The following NUP210 variants were observed in gnomAD, a reference collection of about 807,000 sequenced individuals.
The protein encoded by NUP210 is nucleoporin 210.
In NUP210, 151 loss-of-function variants were observed where a neutral mutation model predicts 196.0. The observed-to-expected ratio is 0.77, with a 90% CI of 0.67 to 0.88. The LOEUF is 0.88. NUP210 is among the 40% of genes least tolerant of loss of function. The pLI, the probability that NUP210 is intolerant of heterozygous loss-of-function variation, is 0.00. For synonymous variants in NUP210, 1,070 were observed against 1,052.7 expected (o/e 1.02, Z -0.32); for missense variants, 2,314 against 2,493.7 (o/e 0.93, Z 1.53).
chr3:13,390,623 C>G (rs935250329), intron 4 of NUP210, among the ~76,000 whole-genome samples: 3 of 152,228 alleles, frequency 2.0e-5, no homozygotes, highest in Non-Finnish European at 4.4e-5. Flanking sequence ...TGAGTTCAGA[C>G]TCCAGCTCTG....
At chr3:13,317,803 T>C (rs923983712) in intron 39 of NUP210, 22 bp from the exon 40 acceptor site, 8 of 1,540,898 alleles carry the variant, frequency 5.2e-6, no homozygotes, top group African/African-American at 2.7e-5. Flanking sequence ...AGAGAGACGA[T>C]GTTAGCAGCA....
rs765728089 is a variant in NUP210 at position 13,351,933 on chromosome 3, G to C, written c.2781C>G (p.Thr927=). ...REGSGYFFLN[T]STADVVKVAY... is the part of the protein sequence containing the mutation. ...CCACCTTGACAACATCTGCGGTGCT[G>C]GTGTTGAGGAAGAAGTAACCTGAGC... Residue 927 remains threonine (T), a synonymous_variant, in exon 20 of 40, where the codon ACC becomes ACG. Coordinates refer to ENST00000254508, the MANE Select transcript of NUP210 (RefSeq NM_024923.4). 1.2e-6 allele frequency: 2 copies of C among 1,613,642 alleles called. No individual in the cohort carries two copies. The highest frequency in any genetic ancestry group is 1.7e-6 in the Non-Finnish European group (2 of 1,179,660).
chr3:13,364,846 A>G (rs1698478719), intron 14 of NUP210, among the ~76,000 whole-genome samples: 1 of 152,202 alleles, frequency 6.6e-6, no homozygotes, highest in African/African-American at 2.4e-5. Context: ...ATAAACAAAT[A>G]AAAGAAAAAG....
chr3:13,350,789 G>C lies in NUP210; in HGVS notation c.2835+1090C>G, dbSNP rs1298121879. Among the ~76,000 whole-genome samples the C allele has an allele frequency of 6.6e-6, 1 of 151,242 alleles. No homozygotes were observed. Among genetic ancestry groups the C allele is most frequent in the Non-Finnish European group, 1.5e-5 (1 of 67,812 alleles). The stretch of plus-strand genomic sequence containing the variant: ...GCTCACTGCAAGCTCCACCCGCTGG[G>C]TTCACGCCATCTCCTGCCTCAGCCT... On this transcript the variant is annotated intron_variant, in intron 20 of 39. Coordinates refer to ENST00000254508, the MANE Select transcript of NUP210 (RefSeq NM_024923.4). This position sits in a 1 kb window ranked among gnomAD's most constrained non-coding sequence, Gnocchi z 4.1.
intron 20 of NUP210, 36 bp from the exon 21 acceptor site, chr3:13,343,339 T>TGGGTGGGGGGGGGGGG: frequency 3.5e-6 from 1 of 282,520 alleles, no homozygotes; most frequent in East Asian, 8.4e-5. Flanking sequence ...GGGTGGGTGG[T>TGGGTGGGGGGGGGGGG]GGGTTACGCA....
intron 3 of NUP210, among the ~76,000 whole-genome samples, chr3:13,396,735 G>A (rs1480331261): frequency 8.2e-6 from 1 of 122,594 alleles, no homozygotes; most frequent in African/African-American, 3.2e-5. Flanking sequence ...ACTCCAGCCT[G>A]AGCAACAAGA....
intron 1 of NUP210, among the ~76,000 whole-genome samples, chr3:13,401,366 C>A (rs1699834560): frequency 6.6e-6 from 1 of 151,984 alleles, no homozygotes; most frequent in Non-Finnish European, 1.5e-5. Context: ...CAGCACAAGG[C>A]CCCTTCCAAC....
chr3:13,399,899 G>A, intron 1 of NUP210, 38 bp from the exon 2 acceptor site: 1 of 1,566,648 alleles, frequency 6.4e-7, no homozygotes, highest in Non-Finnish European at 8.7e-7. Context: ...CTCTGGAGCT[G>A]CACTGCAAGG....
chr3:13,368,984 A>G (rs1017821050), intron 13 of NUP210, among the ~76,000 whole-genome samples: 6 of 152,224 alleles, frequency 3.9e-5, no homozygotes, highest in African/African-American at 1.4e-4. Flanking sequence ...CGGTAACTCC[A>G]TGTTTACTTT....
intron 1 of NUP210, among the ~76,000 whole-genome samples, chr3:13,413,772 T>C (rs543148871): frequency 1.3e-5 from 2 of 152,188 alleles, no homozygotes; most frequent in African/African-American, 4.8e-5. Flanking sequence ...ATGGTGGAGG[T>C]GGCTGCACAA....
At chr3:13,413,917 C>G (rs951559621) in intron 1 of NUP210, among the ~76,000 whole-genome samples, 2 of 152,194 alleles carry the variant, frequency 1.3e-5, no homozygotes, top group African/African-American at 4.8e-5. Context: ...CAGAAGAAAA[C>G]TTTTATTTTG....
rs1373092454 is a variant in NUP210, at chr3:13,321,799, G to A, written c.4952C>T (p.Thr1651Met). ...GCTCAGGTGCTTCCGCTGCTTGTCC[G>A]TCAGCCTGTGCATTGTGATTGAGCA... ...YFCSITMHRL[T>M]DKQRKHLSMK... Residue 1651 changes from threonine to methionine, a missense_variant, in exon 36 of 40, where the codon ACG becomes ATG. Transcript: ENST00000254508. The A allele has an allele frequency of 3.7e-6, 6 of 1,609,582 alleles. No homozygotes were observed. The highest frequency in any genetic ancestry group is 1.1e-5 in the South Asian group (1 of 91,086).
Position 13,358,531 on chromosome 3 carries a change from C to T in NUP210, c.2155-136G>A. On this transcript the variant is annotated intron_variant, in intron 15 of 39. Coordinates refer to ENST00000254508, the MANE Select transcript of NUP210 (RefSeq NM_024923.4). ...ATGGGAGTGATGACGATACCCATGC[C>T]ACAGGGTCTTAACAAAGGCCCAGTG... 4.8e-6 allele frequency: 4 copies of T among 825,476 alleles called. No individual in the cohort carries two copies. In the South Asian group the frequency reaches 5.7e-5, roughly 12 times the overall value. The allele number at this position is 825,476 out of a possible 1,614,324, so 51.1% of individuals were successfully genotyped here. A position where few individuals can be genotyped will look rare whatever the true frequency, so the allele number is the denominator to read the frequency against.
At chr3:13,393,260 G>T (rs1699549096) in intron 3 of NUP210, among the ~76,000 whole-genome samples, 1 of 152,152 alleles carries the variant, frequency 6.6e-6, no homozygotes, top group Non-Finnish European at 1.5e-5. Flanking sequence ...GATGGAGGTG[G>T]GGGAGGCCCT....
chr3:13,343,399 G>A (rs1697600785), intron 20 of NUP210, 96 bp from the exon 21 acceptor site: 6 of 1,447,036 alleles, frequency 4.1e-6, no homozygotes, highest in Non-Finnish European at 5.6e-6. Flanking sequence ...CTCGCCCTCA[G>A]CACCAGCCTA....
rs57413392 is a variant in NUP210 at position 13,350,730 on chromosome 3, G to A, written c.2835+1149C>T. On this transcript the variant is annotated intron_variant, in intron 20 of 39. Transcript: ENST00000254508. The surrounding 1 kb of genome is among the most constrained non-coding windows in gnomAD (Gnocchi z 4.1). ...TTTTTTTGAGATGGAGTCTCGCCCC[G>A]TCGCCCAGGCTGGAGTGCAGTGGCG... is the stretch of plus-strand genomic sequence containing the variant. 0.036 allele frequency among the ~76,000 whole-genome samples: 4,997 copies of A among 139,390 alleles called. 118 individuals carry two copies. The highest frequency in any genetic ancestry group is 0.081 in the Middle Eastern group (21 of 260). 91.4% of individuals were successfully genotyped at this position (139,390 alleles called of 152,430 possible).
At chr3:13,375,459 G>T in intron 11 of NUP210, 45 bp downstream of exon 11, 1 of 1,569,778 alleles carries the variant, frequency 6.4e-7, no homozygotes, top group South Asian at 1.2e-5. Flanking sequence ...ACAATCCCAT[G>T]AAAACACCAA....
chr3:13,322,324 G>A lies in NUP210; in HGVS notation c.4784C>T (p.Thr1595Ile). 2.5e-6 allele frequency: 4 copies of A among 1,614,248 alleles called. No homozygotes were observed. Among genetic ancestry groups the A allele is most frequent in the East Asian group, 2.2e-5 (1 of 44,890 alleles). Residue 1595 changes from threonine (T) to isoleucine (I), a missense_variant, in exon 35 of 40, where the codon ACC (threonine) becomes ATC (isoleucine). Thr to Ile is a moderately conservative substitution (Grantham distance 89). Coordinates refer to ENST00000254508, the MANE Select transcript of NUP210 (RefSeq NM_024923.4). ...SSNLRGECTPTQREVIQALHP... is the reference protein window; with the variant it reads ...SSNLRGECTPIQREVIQALHP... ...CAAGGCCTGGATGACTTCCCTCTGG[G>A]TGGGGGTGCACTCGCCTAGAGAGGG...
chr3:13,321,076 C>A (rs774530218), intron 36 of NUP210, among the ~76,000 whole-genome samples: 1 of 152,248 alleles, frequency 6.6e-6, no homozygotes, highest in Non-Finnish European at 1.5e-5. Flanking sequence ...GAGGAGCAGG[C>A]GGAAATGCCG....
Sources: gnomAD v4.1 joint callset for allele counts (sites outside exome capture counted in the v4.1 genomes callset) on GRCh38, gnomAD v4.1.1 for gene constraint, Gnocchi (gnomAD v3.1) non-coding constraint, MANE v1.5 for transcripts, NCBI Gene and HGNC (gene_info 2026-07-23, HGNC 2026-07-21) for gene names.